TRHDE: variants seen among roughly 807,000 people sequenced by gnomAD.
TRHDE encodes the protein thyrotropin-releasing hormone-degrading ectoenzyme.
A neutral mutation model predicts 125.7 loss-of-function variants in TRHDE; 72 were observed. The observed-to-expected ratio is 0.57, with a 90% CI of 0.47 to 0.70. The LOEUF (loss-of-function observed/expected upper bound fraction) is 0.70. Among genes scored for constraint, TRHDE ranks in the 30% least tolerant of loss-of-function variants. The probability of loss-of-function intolerance (pLI) is 0.00; values close to 1 mark genes in which losing one functional copy is unlikely to be tolerated. For missense variants in TRHDE, 1,110 were observed against 1,327.1 expected (o/e 0.84, Z 2.54); for synonymous variants, 509 against 509.1 (o/e 1.00, Z 0.00).
At chr12:72,510,060 C>G (rs1003273357) in intron 6 of TRHDE, among the ~76,000 whole-genome samples, 1 of 152,106 alleles carries the variant, frequency 6.6e-6, no homozygotes, top group Admixed American at 6.6e-5. Flanking sequence ...CCCCTCAGCC[C>G]TGGACCTCAT....
At position 72,238,312 on chromosome 12, in the gene TRHDE, AT is replaced by A. The variant is rs1294118831; in HGVS notation, n.279+132561del. Among the ~76,000 whole-genome samples, 54 of 34,980 alleles carry A rather than the reference AT, an allele frequency of 1.5e-3. 4 individuals are homozygous for A. Among genetic ancestry groups the A allele is most frequent in the African/African-American group, 4.5e-3 (47 of 10,384 alleles). 22.9% of individuals were successfully genotyped at this position (34,980 alleles called of 152,430 possible). ...TATATATATATATATATATATATAT[AT>A]ATATATATACATATATATATACACA... On this transcript the variant is annotated intron_variant and non_coding_transcript_variant, in intron 2 of 4. Transcript: ENST00000548156.
chr12:72,420,065 C>T (rs932454460), intron 3 of TRHDE, among the ~76,000 whole-genome samples: 4 of 152,154 alleles, frequency 2.6e-5, no homozygotes, highest in African/African-American at 9.7e-5. Flanking sequence ...ATGAATATAA[C>T]AGAGGATCAG....
At chr12:72,388,738 T>C (rs1872525814) in intron 3 of TRHDE, among the ~76,000 whole-genome samples, 2 of 152,066 alleles carry the variant, frequency 1.3e-5, no homozygotes, top group African/African-American at 4.8e-5. Context: ...GTAAAGGAAA[T>C]TGTTGGTGAA....
chr12:72,521,773 C>T (rs1175648354), intron 6 of TRHDE, among the ~76,000 whole-genome samples: 3 of 152,166 alleles, frequency 2.0e-5, no homozygotes, highest in Non-Finnish European at 2.9e-5. Flanking sequence ...CATAATTTTC[C>T]TTCTGGAAGG....
intron 7 of TRHDE, among the ~76,000 whole-genome samples, chr12:72,561,718 G>C (rs955421338): frequency 3.3e-5 from 5 of 152,192 alleles, no homozygotes; most frequent in African/African-American, 1.2e-4. Context: ...ATTGTGAAGA[G>C]AGTATTCTTT....
chr12:72,326,623 C>G (rs749991626), intron 2 of TRHDE, among the ~76,000 whole-genome samples: 3 of 152,022 alleles, frequency 2.0e-5, no homozygotes, highest in African/African-American at 4.8e-5. Context: ...ATTCACACAA[C>G]AGAAAATTAA....
intron 6 of TRHDE, among the ~76,000 whole-genome samples, chr12:72,504,601 C>G (rs188863154): frequency 6.6e-6 from 1 of 152,084 alleles, no homozygotes. Context: ...TGCTCCCAGA[C>G]AGAAATTTGT....
intron 12 of TRHDE, among the ~76,000 whole-genome samples, chr12:72,618,140 GTTC>G (rs1872896801): frequency 6.6e-6 from 1 of 152,152 alleles, no homozygotes; most frequent in African/African-American, 2.4e-5. Flanking sequence ...GAGATATATA[GTTC>G]TTTTTGGCTC....
chr12:72,563,055 T>G lies in TRHDE; in HGVS notation c.2042+15T>G, dbSNP rs1340672268. ...CAGAATAACAGGTATGACATTCTTT[T>G]TTACGTGAAAAATATTGTTTTTATT... On this transcript the variant is annotated intron_variant, in intron 9 of 18. Transcript: ENST00000261180. The G allele has an allele frequency of 3.3e-6, 5 of 1,528,176 alleles. No homozygotes were observed. Among genetic ancestry groups the G allele is most frequent in the Non-Finnish European group, 4.4e-6 (5 of 1,129,072 alleles). The allele number at this position is 1,528,176 out of a possible 1,614,324, so 94.7% of individuals were successfully genotyped here.
At chr12:72,594,507 T>G (rs188282884) in intron 12 of TRHDE, among the ~76,000 whole-genome samples, 2 of 147,318 alleles carry the variant, frequency 1.4e-5, no homozygotes, top group African/African-American at 2.7e-5. Flanking sequence ...TGTGAGTTTT[T>G]TTTTTTTTTT....
chr12:72,330,763 A>C (rs988225750), intron 2 of TRHDE, among the ~76,000 whole-genome samples: 1 of 152,210 alleles, frequency 6.6e-6, no homozygotes, highest in African/African-American at 2.4e-5. Context: ...GGAGACATTT[A>C]GTGGGTAGTC....
chr12:72,226,820 C>T (rs1878137927), intron 2 of TRHDE, among the ~76,000 whole-genome samples: 1 of 152,082 alleles, frequency 6.6e-6, no homozygotes, highest in Admixed American at 6.5e-5. Flanking sequence ...TGAGAAACTA[C>T]AGATTTTTGT....
At chr12:72,102,579 T>C (rs987122242) in intron 1 of TRHDE, among the ~76,000 whole-genome samples, 5 of 152,144 alleles carry the variant, frequency 3.3e-5, no homozygotes, top group Non-Finnish European at 7.4e-5. Context: ...GTTCAGCTGA[T>C]AATAGCCAGC....
At chr12:72,170,285 C>CTCTCT (rs1199108811) in intron 2 of TRHDE, among the ~76,000 whole-genome samples, 1 of 152,134 alleles carries the variant, frequency 6.6e-6, no homozygotes, top group East Asian at 1.9e-4. Flanking sequence ...AGAATAGATA[C>CTCTCT]ATGGTTCTGG....
chr12:72,361,737 A>G (rs1592388664), intron 2 of TRHDE, among the ~76,000 whole-genome samples: 1 of 99,850 alleles, frequency 1.0e-5, no homozygotes, highest in East Asian at 3.1e-4. Flanking sequence ...AACAGTCCCC[A>G]GAGTGTGATG....
intron 1 of TRHDE, among the ~76,000 whole-genome samples, chr12:72,103,629 G>A (rs1183705033): frequency 6.6e-6 from 1 of 152,088 alleles, no homozygotes; most frequent in Non-Finnish European, 1.5e-5. Context: ...TTTATTAAAG[G>A]AATATTATTT....
chr12:72,121,227 C>T (rs2139301497), intron 2 of TRHDE, among the ~76,000 whole-genome samples: 1 of 152,130 alleles, frequency 6.6e-6, no homozygotes, highest in Non-Finnish European at 1.5e-5. Flanking sequence ...TGAAGAATTC[C>T]TTTTAGTATT....
intron 2 of TRHDE, among the ~76,000 whole-genome samples, chr12:72,141,408 A>ACTT (rs747873584): frequency 1.3e-5 from 2 of 152,200 alleles, no homozygotes; most frequent in Admixed American, 6.5e-5. Context: ...ACAGAGAAAG[A>ACTT]CTTTTGTGAC....
At chr12:72,350,294 C>T (rs138294424) in intron 2 of TRHDE, among the ~76,000 whole-genome samples, 4 of 152,124 alleles carry the variant, frequency 2.6e-5, no homozygotes, top group Non-Finnish European at 4.4e-5. Context: ...ATTTGGTGGA[C>T]GGTCATGCCT....
Sources: allele counts gnomAD v4.1 joint callset (sites outside exome capture counted in the v4.1 genomes callset), GRCh38; gene constraint gnomAD v4.1.1; transcripts MANE v1.5; gene names NCBI Gene and HGNC (gene_info 2026-07-23, HGNC 2026-07-21).